Variants in DGKH observed in about 807,000 individuals in gnomAD.
The protein encoded by DGKH is diacylglycerol kinase eta.
A neutral mutation model predicts 159.3 loss-of-function variants in DGKH; 90 were observed. The ratio of observed to expected loss-of-function variants is 0.57; its 90% confidence interval spans 0.48 to 0.67. The LOEUF (loss-of-function observed/expected upper bound fraction) is 0.67, where lower values mean the gene tolerates loss of function less well. Among genes scored for constraint, DGKH ranks in the 30% least tolerant of loss-of-function variants. The probability of loss-of-function intolerance (pLI) is 0.00; values close to 1 mark genes in which losing one functional copy is unlikely to be tolerated. For missense variants in DGKH, 1,181 were observed against 1,506.1 expected (o/e 0.78, Z 3.57); for synonymous variants, 536 against 553.8 (o/e 0.97, Z 0.45).
At chr13:42,155,173 A>G in intron 3 of DGKH, 118 bp from the exon 4 acceptor site, 1 of 811,016 alleles carries the variant, frequency 1.2e-6, no homozygotes, top group Non-Finnish European at 1.9e-6. Context: ...TACAGATTAC[A>G]AAAACGTAAG....
Position 42,219,293 on chromosome 13 carries a change from C to T in DGKH, c.3277C>T (p.Gln1093Ter), listed in dbSNP as rs866272264. The T allele has an allele frequency of 6.2e-7, 1 of 1,613,928 alleles. No individual in the cohort carries two copies. The highest frequency in any genetic ancestry group is 8.5e-7 in the Non-Finnish European group (1 of 1,179,900). Residue 1093 changes from glutamine (Q) to a stop codon, truncating the protein, a stop_gained, in exon 27 of 30, where the codon CAG (glutamine) becomes TAG (stop). Coordinates refer to ENST00000337343, the MANE Select transcript of DGKH (RefSeq NM_178009.5). LOFTEE classifies it high-confidence loss of function. Reference sequence around the variant, plus strand: ...CTTACACTCTGTGGAGGTGGAATTACAGAAACTGACAGAGATTCCTTGGCT... The same window carrying T: ...CTTACACTCTGTGGAGGTGGAATTATAGAAACTGACAGAGATTCCTTGGCT... ...NALHSVEVEL[Q>*]KLTEIPWLYY...
chr13:42,129,763 A>G (rs2137846823), intron 3 of DGKH, 131 bp downstream of exon 3: 4 of 726,166 alleles, frequency 5.5e-6, no homozygotes, highest in Non-Finnish European at 9.1e-6. Flanking sequence ...CAACACAATC[A>G]GCTTTAAATA....
intron 1 of DGKH, among the ~76,000 whole-genome samples, chr13:42,051,157 T>A (rs1390411505): frequency 1.3e-5 from 2 of 152,252 alleles, no homozygotes; most frequent in Admixed American, 6.5e-5. Flanking sequence ...AATAAAAACA[T>A]TTAGCACATA....
chr13:42,047,775 G>A (rs68004929), upstream of DGKH, among the ~76,000 whole-genome samples: 8 of 152,060 alleles, frequency 5.3e-5, no homozygotes, highest in Admixed American at 5.2e-4. Flanking sequence ...TTTTTGTCTC[G>A]GGTACTGGTG....
At position 42,229,084 on chromosome 13, in the gene DGKH, G is replaced by A; in HGVS notation, c.3574-15G>A. The stretch of plus-strand genomic sequence containing the variant: ...TTTTTAATTATTTCTACCTTTTTCT[G>A]TTCTTTTATTTTAGGATCTGGGGAT... On this transcript the variant is annotated splice_polypyrimidine_tract_variant and intron_variant, in intron 29 of 29. Coordinates refer to ENST00000337343, the MANE Select transcript of DGKH (RefSeq NM_178009.5). The A allele has an allele frequency of 3.2e-6, 5 of 1,570,978 alleles. No individual in the cohort carries two copies. Among genetic ancestry groups the A allele is most frequent in the Non-Finnish European group, 4.3e-6 (5 of 1,158,604 alleles).
At chr13:42,085,976 G>A (rs1170204) in intron 1 of DGKH, among the ~76,000 whole-genome samples, 39,626 of 151,700 alleles carry the variant, frequency 0.26, 5,975 homozygotes, top group African/African-American at 0.4. Context: ...GCTGGAGTGC[G>A]TAGTACAGTC....
chr13:42,224,907 T>A (rs1021000001), intron 29 of DGKH, among the ~76,000 whole-genome samples: 5 of 151,132 alleles, frequency 3.3e-5, no homozygotes, highest in African/African-American at 1.2e-4. Context: ...AAAAAAAATA[T>A]ATATATATAT....
At chr13:42,083,897 T>C (rs1204130107) in intron 1 of DGKH, among the ~76,000 whole-genome samples, 1 of 152,174 alleles carries the variant, frequency 6.6e-6, no homozygotes, top group Non-Finnish European at 1.5e-5. Context: ...GGAATTAGTG[T>C]TAAACCCACT....
chr13:42,149,535 G>A (rs1955825286), intron 3 of DGKH, among the ~76,000 whole-genome samples: 1 of 152,162 alleles, frequency 6.6e-6, no homozygotes, highest in Non-Finnish European at 1.5e-5. Context: ...CAGAAAATAG[G>A]AATACTTTGT....
At chr13:42,065,769 A>C (rs1337495468) in intron 1 of DGKH, among the ~76,000 whole-genome samples, 2 of 152,204 alleles carry the variant, frequency 1.3e-5, no homozygotes, top group East Asian at 3.8e-4. Flanking sequence ...GGAAATAGCC[A>C]GTAGTAAAAT....
At chr13:42,183,433 C>T (rs1594162801) in intron 13 of DGKH, among the ~76,000 whole-genome samples, 1 of 152,172 alleles carries the variant, frequency 6.6e-6, no homozygotes, top group African/African-American at 2.4e-5. Context: ...CACAGTCACA[C>T]ACAGACACAC....
At chr13:42,199,427 A>C in intron 18 of DGKH, 139 bp from the exon 19 acceptor site, 1 of 547,702 alleles carries the variant, frequency 1.8e-6, no homozygotes, top group Non-Finnish European at 3.2e-6. Context: ...GCATAGGAAT[A>C]GGAAGTGATT....
intron 30 of DGKH, among the ~76,000 whole-genome samples, chr13:42,254,774 A>T (rs953249629): frequency 6.6e-6 from 1 of 152,184 alleles, no homozygotes; most frequent in African/African-American, 2.4e-5. Context: ...ATGTGTACGT[A>T]TGTGTGTATA....
chr13:42,213,810 G>A (rs897857592), intron 24 of DGKH, among the ~76,000 whole-genome samples: 4 of 152,106 alleles, frequency 2.6e-5, no homozygotes, highest in African/African-American at 9.7e-5. Context: ...TCTAGCAATC[G>A]GAGGGACTTT....
Position 42,219,596 on chromosome 13 carries a change from T to C in DGKH, c.3334-90T>C. On this transcript the variant is annotated intron_variant, in intron 27 of 29. Coordinates refer to ENST00000337343, the MANE Select transcript of DGKH (RefSeq NM_178009.5). Reference sequence around the variant, plus strand: ...ACTGTTCTATAATGTTTAGTGTTTATAACTTATTCCTGTGTTATCCCTATT... The same window carrying C: ...ACTGTTCTATAATGTTTAGTGTTTACAACTTATTCCTGTGTTATCCCTATT... 2.3e-6 allele frequency: 3 copies of C among 1,320,826 alleles called. No homozygotes were observed. In the South Asian group the frequency reaches 4.2e-5, roughly 19 times the overall value. 81.8% of individuals were successfully genotyped at this position (1,320,826 alleles called of 1,614,324 possible).
At chr13:42,083,104 G>A (rs1423673561) in intron 1 of DGKH, among the ~76,000 whole-genome samples, 2 of 152,156 alleles carry the variant, frequency 1.3e-5, no homozygotes, top group African/African-American at 4.8e-5. Context: ...AACAAAAACT[G>A]TTAAGGTCAT....
intron 1 of DGKH, among the ~76,000 whole-genome samples, chr13:42,088,851 A>G (rs1954359254): frequency 6.6e-6 from 1 of 152,202 alleles, no homozygotes; most frequent in African/African-American, 2.4e-5. Context: ...ATACAATCCA[A>G]TTATTTGCTC....
At chr13:42,215,270 GT>G (rs11346767) in intron 25 of DGKH, among the ~76,000 whole-genome samples, 43,062 of 151,396 alleles carry the variant, frequency 0.28, 6,390 homozygotes, top group Non-Finnish European at 0.31. Flanking sequence ...GAGAGTAAAA[GT>G]TTTTTTTGAC....
chr13:42,055,185 T>C (rs995208677), intron 1 of DGKH, among the ~76,000 whole-genome samples: 1 of 152,182 alleles, frequency 6.6e-6, no homozygotes, highest in African/African-American at 2.4e-5. Flanking sequence ...TGGAAGGTAG[T>C]ATAGTTAGGT....
Sources: allele counts gnomAD v4.1 joint callset (sites outside exome capture counted in the v4.1 genomes callset), GRCh38; gene constraint gnomAD v4.1.1; transcripts MANE v1.5; gene names NCBI Gene and HGNC (gene_info 2026-07-23, HGNC 2026-07-21).